Variants in ASB18 observed in about 807,000 individuals in gnomAD.
The protein encoded by ASB18 is ankyrin repeat and SOCS box protein 18.
ASB18 carries 33 observed loss-of-function variants against 33.4 expected under a neutral mutation model. The observed-to-expected ratio is 0.99, with a 90% CI of 0.75 to 1.32. The LOEUF is 1.32. Among genes scored for constraint, ASB18 ranks in the 40% most tolerant of loss-of-function variants. ASB18 has a pLI of 0.00. For missense variants in ASB18, 694 were observed against 655.5 expected (o/e 1.06, Z -0.64); for synonymous variants, 295 against 307.6 (o/e 0.96, Z 0.43).
chr2:236,195,582 C>A lies in ASB18; in HGVS notation c.1216-525G>T, dbSNP rs185423733. 6.7e-4 allele frequency among the ~76,000 whole-genome samples: 102 copies of A among 151,356 alleles called. No homozygotes were observed. Among genetic ancestry groups the A allele is most frequent in the Non-Finnish European group, 1.3e-3 (88 of 67,900 alleles). ...CCAGGCTGGAGTGCAGTGGCGTGAT[C>A]CCAGCTTATTGCACTCTCTGCCTCC... On this transcript the variant is annotated intron_variant, in intron 5 of 5. Transcript: ENST00000409749. This position sits in a 1 kb window ranked among gnomAD's most constrained non-coding sequence, Gnocchi z 5.5.
Position 236,195,520 on chromosome 2 carries a change from CT to C in ASB18, c.1216-464del, listed in dbSNP as rs397827646. ...AAACACACACAACTCTTCTCACTCT[CT>C]TTTTTTTTTTTTGAGATGGAGTCTA... On this transcript the variant is annotated intron_variant, in intron 5 of 5. Coordinates refer to ENST00000409749, the MANE Select transcript of ASB18 (RefSeq NM_212556.4). This position sits in a 1 kb window ranked among gnomAD's most constrained non-coding sequence, Gnocchi z 5.5. Among the ~76,000 whole-genome samples, 223 of 144,544 alleles carry C rather than the reference CT, an allele frequency of 1.5e-3. No homozygotes were observed. Among genetic ancestry groups the C allele is most frequent in the Middle Eastern group, 3.6e-3 (1 of 276 alleles). 94.8% of individuals were successfully genotyped at this position (144,544 alleles called of 152,430 possible). A position where few individuals can be genotyped will look rare whatever the true frequency, so the allele number is the denominator to read the frequency against.
Position 236,209,002 on chromosome 2 carries a change from G to A in ASB18, c.1101+5360C>T, listed in dbSNP as rs1481918951. ...AAACGACAGCAAGAAAAACACAGGCGCCCTACTTATGATCTCCCCTCTCTC... is the reference window on the plus strand; with the variant it reads ...AAACGACAGCAAGAAAAACACAGGCACCCTACTTATGATCTCCCCTCTCTC... On this transcript the variant is annotated intron_variant, in intron 4 of 5. Transcript: ENST00000409749. This position sits in a 1 kb window ranked among gnomAD's most constrained non-coding sequence, Gnocchi z 4.4. Among the ~76,000 whole-genome samples the A allele has an allele frequency of 2.0e-5, 3 of 152,020 alleles. No individual in the cohort carries two copies. The highest frequency in any genetic ancestry group is 1.3e-4 in the Admixed American group (2 of 15,262).
rs1045779416 is a variant in ASB18 at position 236,244,717 on chromosome 2, C to T, written c.206-3315G>A. Among the ~76,000 whole-genome samples, 9 of 152,136 alleles carry T rather than the reference C, an allele frequency of 5.9e-5. No homozygotes were observed. The highest frequency in any genetic ancestry group is 1.3e-4 in the Non-Finnish European group (9 of 68,028). ...AACCTGGCTTTTGGGTTGCCCCTTT[C>T]ACCAAGATCTTCTATAACTAAGGAG... On this transcript the variant is annotated intron_variant, in intron 1 of 5. Coordinates refer to ENST00000409749, the MANE Select transcript of ASB18 (RefSeq NM_212556.4). The surrounding 1 kb of genome is among the most constrained non-coding windows in gnomAD (Gnocchi z 6.1).
At position 236,263,603 on chromosome 2, in the gene ASB18, G is replaced by A. The variant is rs903232767; in HGVS notation, c.205+538C>T. 3.9e-5 allele frequency among the ~76,000 whole-genome samples: 6 copies of A among 152,066 alleles called. No individual in the cohort carries two copies. The highest frequency in any genetic ancestry group is 1.4e-4 in the African/African-American group (6 of 41,404). On this transcript the variant is annotated intron_variant, in intron 1 of 5. Coordinates refer to ENST00000409749, the MANE Select transcript of ASB18 (RefSeq NM_212556.4). This position sits in a 1 kb window ranked among gnomAD's most constrained non-coding sequence, Gnocchi z 4.0. ...AGTTATATGGCTCCTAGGAATTTAT[G>A]GTAAGGATATAATCCCAAAAAAGAA...
In ASB18 at chr2:236,250,204, C is replaced by T. The variant is rs1206591931; in HGVS notation, c.206-8802G>A. The T allele has an allele frequency of 2.6e-5, 4 of 152,182 alleles. No individual in the cohort carries two copies. The highest frequency in any genetic ancestry group is 2.1e-4 in the South Asian group (1 of 4,830). 9.4% of individuals were successfully genotyped at this position (152,182 alleles called of 1,614,324 possible). The stretch of plus-strand genomic sequence containing the variant: ...GAGTTGACTAGTGATTTTCTTTTCC[C>T]CAGAAGCCTCCAAGGATTAATCCAG... On this transcript the variant is annotated intron_variant, in intron 1 of 5. Coordinates refer to ENST00000409749, the MANE Select transcript of ASB18 (RefSeq NM_212556.4). This position sits in a 1 kb window ranked among gnomAD's most constrained non-coding sequence, Gnocchi z 4.1.
In ASB18 at chr2:236,223,258, C is replaced by T. The variant is rs1250281893; in HGVS notation, c.597-8392G>A. 1.3e-5 allele frequency among the ~76,000 whole-genome samples: 2 copies of T among 152,216 alleles called. No homozygotes were observed. The highest frequency in any genetic ancestry group is 2.9e-5 in the Non-Finnish European group (2 of 68,044). ...AGTGCAAGAATGGCCTAATACACTT[C>T]ACATGCCCACTAAGCAGCATTTGAC... On this transcript the variant is annotated intron_variant, in intron 3 of 5. Transcript: ENST00000409749. This position sits in a 1 kb window ranked among gnomAD's most constrained non-coding sequence, Gnocchi z 4.6.
Position 236,216,086 on chromosome 2 carries a change from C to T in ASB18, c.597-1220G>A, listed in dbSNP as rs889262332. Among the ~76,000 whole-genome samples, 13 of 152,162 alleles carry T rather than the reference C, an allele frequency of 8.5e-5. No individual in the cohort carries two copies. Among genetic ancestry groups the T allele is most frequent in the Admixed American group, 6.5e-4 (10 of 15,274 alleles). ...CCATGGCCATCCCCTACTCAAATGG[C>T]CGAATCTTCAAGCCGGAGTCCATTC... On this transcript the variant is annotated intron_variant, in intron 3 of 5. Transcript: ENST00000409749. The surrounding 1 kb of genome is among the most constrained non-coding windows in gnomAD (Gnocchi z 6.1).
rs952279271 is a variant in ASB18, at chr2:236,214,108, A to G, written c.1101+254T>C. 3.9e-6 allele frequency: 2 copies of G among 518,216 alleles called. No homozygotes were observed. The highest frequency in any genetic ancestry group is 4.1e-5 in the African/African-American group (2 of 48,886). The allele number at this position is 518,216 out of a possible 1,614,324, so 32.1% of individuals were successfully genotyped here. On this transcript the variant is annotated intron_variant, in intron 4 of 5. Transcript: ENST00000409749. The surrounding 1 kb of genome is among the most constrained non-coding windows in gnomAD (Gnocchi z 6.5). The stretch of plus-strand genomic sequence containing the variant: ...AACCCCTTAATTGTCTCGTGGCTCT[A>G]ACCAGAAGGCTTCTAGGCCCCTGTT...
At position 236,200,094 on chromosome 2, in the gene ASB18, T is replaced by G. The variant is rs1576392911; in HGVS notation, c.1102-3709A>C. 6.6e-6 allele frequency among the ~76,000 whole-genome samples: 1 copy of G among 152,090 alleles called. No homozygotes were observed. Among genetic ancestry groups the G allele is most frequent in the Admixed American group, 6.6e-5 (1 of 15,266 alleles). ...AGGCACGGTGGCTCACTCCTGTAAT[T>G]CCAGCATTTTGGGAGGCCGAGGTGG... is the stretch of plus-strand genomic sequence containing the variant. On this transcript the variant is annotated intron_variant, in intron 4 of 5. Coordinates refer to ENST00000409749, the MANE Select transcript of ASB18 (RefSeq NM_212556.4). The surrounding 1 kb of genome is among the most constrained non-coding windows in gnomAD (Gnocchi z 4.2).
Position 236,250,156 on chromosome 2 carries a change from TG to T in ASB18, c.206-8755del, listed in dbSNP as rs1324377387. On this transcript the variant is annotated intron_variant, in intron 1 of 5. Coordinates refer to ENST00000409749, the MANE Select transcript of ASB18 (RefSeq NM_212556.4). This position sits in a 1 kb window ranked among gnomAD's most constrained non-coding sequence, Gnocchi z 4.1. Reference sequence around the variant, plus strand: ...GGTAACTATTATTTTCATGTGACATTGGGATCTTTTCTTCTTGCCATTGAGT... The same window carrying T: ...GGTAACTATTATTTTCATGTGACATTGGATCTTTTCTTCTTGCCATTGAGT... The T allele has an allele frequency of 6.6e-6, 1 of 152,236 alleles. No individual in the cohort carries two copies. The highest frequency in any genetic ancestry group is 2.4e-5 in the African/African-American group (1 of 41,458). 9.4% of individuals were successfully genotyped at this position (152,236 alleles called of 1,614,324 possible). A position where few individuals can be genotyped will look rare whatever the true frequency, so the allele number is the denominator to read the frequency against.
At position 236,197,000 on chromosome 2, in the gene ASB18, T is replaced by A. The variant is rs1357547715; in HGVS notation, c.1102-615A>T. Reference sequence around the variant, plus strand: ...TTGCTTTTAAAAAATAAACTTTTTTTTGTTATGGAGAAGTTTGAACCTTCA... The same window carrying A: ...TTGCTTTTAAAAAATAAACTTTTTTATGTTATGGAGAAGTTTGAACCTTCA... On this transcript the variant is annotated intron_variant, in intron 4 of 5. Transcript: ENST00000409749. This position sits in a 1 kb window ranked among gnomAD's most constrained non-coding sequence, Gnocchi z 5.6. 6.6e-6 allele frequency among the ~76,000 whole-genome samples: 1 copy of A among 152,162 alleles called. No individual in the cohort carries two copies. Among genetic ancestry groups the A allele is most frequent in the African/African-American group, 2.4e-5 (1 of 41,426 alleles).
intron 4 of ASB18, among the ~76,000 whole-genome samples, chr2:236,207,059 G>A (rs1315939618): frequency 2.6e-5 from 4 of 152,178 alleles, no homozygotes; most frequent in East Asian, 3.9e-4. Context: ...CTCCACACTC[G>A]TTTCCCATGG....
rs1246048516 is a variant in ASB18 at position 236,217,629 on chromosome 2, T to C, written c.597-2763A>G. On this transcript the variant is annotated intron_variant, in intron 3 of 5. Coordinates refer to ENST00000409749, the MANE Select transcript of ASB18 (RefSeq NM_212556.4). This position sits in a 1 kb window ranked among gnomAD's most constrained non-coding sequence, Gnocchi z 5.2. ...TACTATATTAACCTAACTGGGGCTC[T>C]GAACAAGATCATCCATTGAGGGTTT... Among the ~76,000 whole-genome samples the C allele has an allele frequency of 6.6e-6, 1 of 152,248 alleles. No homozygotes were observed. The highest frequency in any genetic ancestry group is 2.4e-5 in the African/African-American group (1 of 41,460).
rs1052842304 is a variant in ASB18 at position 236,228,752 on chromosome 2, T to C, written c.596+8937A>G. On this transcript the variant is annotated intron_variant, in intron 3 of 5. Coordinates refer to ENST00000409749, the MANE Select transcript of ASB18 (RefSeq NM_212556.4). The surrounding 1 kb of genome is among the most constrained non-coding windows in gnomAD (Gnocchi z 5.1). Reference sequence around the variant, plus strand: ...ATGGAGAGAGTACCAAAAAGAGTTGTCTCAGTAGCAGAAAAAAAAATTAAC... The same window carrying C: ...ATGGAGAGAGTACCAAAAAGAGTTGCCTCAGTAGCAGAAAAAAAAATTAAC... 6.6e-6 allele frequency among the ~76,000 whole-genome samples: 1 copy of C among 152,014 alleles called. No homozygotes were observed. Among genetic ancestry groups the C allele is most frequent in the African/African-American group, 2.4e-5 (1 of 41,390 alleles).
rs1342052401 is a variant in ASB18, at chr2:236,253,578, G to T, written c.205+10563C>A. On this transcript the variant is annotated intron_variant, in intron 1 of 5. Transcript: ENST00000409749. The surrounding 1 kb of genome is among the most constrained non-coding windows in gnomAD (Gnocchi z 5.4). ...ATTATTATTATTGTGGTGGGAGATG[G>T]GGTCTCACTGTGTTGCCCAGGCTGG... Among the ~76,000 whole-genome samples the T allele has an allele frequency of 1.3e-5, 2 of 151,510 alleles. No individual in the cohort carries two copies. Among genetic ancestry groups the T allele is most frequent in the Non-Finnish European group, 2.9e-5 (2 of 67,934 alleles).
In ASB18 at chr2:236,205,212, C is replaced by A. The variant is rs1427000738; in HGVS notation, c.1102-8827G>T. Among the ~76,000 whole-genome samples, 3 of 152,194 alleles carry A rather than the reference C, an allele frequency of 2.0e-5. No individual in the cohort carries two copies. The highest frequency in any genetic ancestry group is 6.5e-5 in the Admixed American group (1 of 15,286). The stretch of plus-strand genomic sequence containing the variant: ...GTCATTACAATGTCCTGTAAGACCC[C>A]ACACAACCTGTGCCCTCTCCCTTAC... On this transcript the variant is annotated intron_variant, in intron 4 of 5. Coordinates refer to ENST00000409749, the MANE Select transcript of ASB18 (RefSeq NM_212556.4). The surrounding 1 kb of genome is among the most constrained non-coding windows in gnomAD (Gnocchi z 5.4).
In ASB18 at chr2:236,259,780, C is replaced by T. The variant is rs1178212570; in HGVS notation, c.205+4361G>A. Among the ~76,000 whole-genome samples the T allele has an allele frequency of 6.6e-6, 1 of 152,214 alleles. No individual in the cohort carries two copies. The highest frequency in any genetic ancestry group is 2.4e-5 in the African/African-American group (1 of 41,464). ...GGCCAGTTGCCTGTTTAAGAGAATTCTGACTGATGGCCATTCTCCTGCCTA... is the reference window on the plus strand; with the variant it reads ...GGCCAGTTGCCTGTTTAAGAGAATTTTGACTGATGGCCATTCTCCTGCCTA... On this transcript the variant is annotated intron_variant, in intron 1 of 5. Coordinates refer to ENST00000409749, the MANE Select transcript of ASB18 (RefSeq NM_212556.4). This position sits in a 1 kb window ranked among gnomAD's most constrained non-coding sequence, Gnocchi z 4.4.
rs898551250 is a variant in ASB18 at position 236,241,753 on chromosome 2, A to G, written c.206-351T>C. Among the ~76,000 whole-genome samples, 1 of 152,164 alleles carries G rather than the reference A, an allele frequency of 6.6e-6. No individual in the cohort carries two copies. The highest frequency in any genetic ancestry group is 2.4e-5 in the African/African-American group (1 of 41,440). ...CCCTCTTTGTGATGATACAGATGCTAACTCTGGAGACAGACACATCTGGAT... is the reference window on the plus strand; with the variant it reads ...CCCTCTTTGTGATGATACAGATGCTGACTCTGGAGACAGACACATCTGGAT... On this transcript the variant is annotated intron_variant, in intron 1 of 5. Coordinates refer to ENST00000409749, the MANE Select transcript of ASB18 (RefSeq NM_212556.4). The surrounding 1 kb of genome is among the most constrained non-coding windows in gnomAD (Gnocchi z 4.2).
At chr2:236,232,813 G>A (rs1576404660) in intron 3 of ASB18, among the ~76,000 whole-genome samples, 2 of 152,008 alleles carry the variant, frequency 1.3e-5, no homozygotes, top group African/African-American at 4.8e-5. Flanking sequence ...ATTACAAAAA[G>A]ACATGTCCAG....
Sources: gnomAD v4.1 joint callset for allele counts (sites outside exome capture counted in the v4.1 genomes callset) on GRCh38, gnomAD v4.1.1 for gene constraint, Gnocchi (gnomAD v3.1) non-coding constraint, MANE v1.5 for transcripts, NCBI Gene and HGNC (gene_info 2026-07-23, HGNC 2026-07-21) for gene names.